HABP2: variants seen among roughly 807,000 people sequenced by gnomAD.
HABP2 encodes factor VII-activating protease.
Under a neutral mutation model 66.5 loss-of-function variants are expected in HABP2, and 65 were observed. That is an observed-to-expected ratio of 0.98 (90% CI 0.80 to 1.20). The LOEUF (loss-of-function observed/expected upper bound fraction) is 1.20, where lower values mean the gene tolerates loss of function less well. Ranked by LOEUF, HABP2 falls within the 50% of genes most tolerant of loss-of-function variation. HABP2 has a pLI of 0.00. For missense variants in HABP2, 786 were observed against 691.0 expected (o/e 1.14, Z -1.54); for synonymous variants, 263 against 253.9 (o/e 1.04, Z -0.34).
At chr10:113,584,341 G>C in intron 11 of HABP2, 59 bp downstream of exon 11, 1 of 1,484,672 alleles carries the variant, frequency 6.7e-7, no homozygotes, top group Non-Finnish European at 9.4e-7. Context: ...AGAGAAGAAA[G>C]GCCAAACTCA....
chr10:113,566,405 G>A (rs1400362692), intron 1 of HABP2, among the ~76,000 whole-genome samples: 3 of 152,374 alleles, frequency 2.0e-5, no homozygotes, highest in African/African-American at 4.8e-5. Context: ...GCATACTCCA[G>A]TTATTAAATG....
intron 1 of HABP2, among the ~76,000 whole-genome samples, chr10:113,559,703 A>C (rs1279012288): frequency 1.3e-5 from 2 of 152,230 alleles, no homozygotes; most frequent in African/African-American, 4.8e-5. Context: ...TTTAAGAACC[A>C]ATGTCTTTAA....
chr10:113,567,494 C>T lies in HABP2; in HGVS notation c.75C>T (p.Ser25=). Reference sequence around the variant, plus strand: ...TGTGTTGTTTTGTTTTTCAGTTCTCCCTGATGTCTTTATTGGAAAGCCTGG... The same window carrying T: ...TGTGTTGTTTTGTTTTTCAGTTCTCTCTGATGTCTTTATTGGAAAGCCTGG... ...ALVGKTACGF[S]LMSLLESLDP... is the part of the protein sequence containing the mutation. The change falls in exon 2 of 13, where the codon TCC becomes TCT. Residue 25 remains serine, a synonymous_variant. Transcript: ENST00000351270. 6.2e-7 allele frequency: 1 copy of T among 1,612,326 alleles called. No individual in the cohort carries two copies. The highest frequency in any genetic ancestry group is 1.7e-5 in the Admixed American group (1 of 60,012).
intron 2 of HABP2, among the ~76,000 whole-genome samples, chr10:113,569,019 A>G (rs1050035235): frequency 6.6e-6 from 1 of 152,188 alleles, no homozygotes; most frequent in Non-Finnish European, 1.5e-5. Flanking sequence ...CCATAGATTT[A>G]TAGCTTTAAT....
chr10:113,554,361 T>C (rs3781389), intron 1 of HABP2, among the ~76,000 whole-genome samples: 24,012 of 152,256 alleles, frequency 0.16, 2,749 homozygotes, highest in East Asian at 0.46. Flanking sequence ...CATAGAGCGT[T>C]TCCTGAATGA....
Position 113,588,996 on chromosome 10 carries a change from C to G in HABP2, c.*627C>G. 6.2e-7 allele frequency: 1 copy of G among 1,613,634 alleles called. No individual in the cohort carries two copies. Among genetic ancestry groups the G allele is most frequent in the Non-Finnish European group, 8.5e-7 (1 of 1,179,854 alleles). The stretch of plus-strand genomic sequence containing the variant: ...TGGCTCACAACAGCAGGGCCTTCTT[C>G]TTTTTGACGTGCAGAATCTCAGTGG... On this transcript the variant is annotated 3_prime_UTR_variant, in exon 13 of 13. Coordinates refer to ENST00000351270, the MANE Select transcript of HABP2 (RefSeq NM_004132.5).
In HABP2 at chr10:113,571,998, C is replaced by T. The variant is rs142039316; in HGVS notation, c.107-2291C>T. 3.0e-4 allele frequency among the ~76,000 whole-genome samples: 46 copies of T among 152,322 alleles called. No homozygotes were observed. The East Asian group carries it at 7.9e-3, about 26-fold the overall frequency. The stretch of plus-strand genomic sequence containing the variant: ...GGAGAAACCCTCCCAGATGATACTC[C>T]TGTAAAGCACCTTCAAATCACATGG... On this transcript the variant is annotated intron_variant, in intron 2 of 12. Transcript: ENST00000351270.
chr10:113,555,347 T>C (rs1305800498), intron 1 of HABP2, among the ~76,000 whole-genome samples: 2 of 152,050 alleles, frequency 1.3e-5, no homozygotes, highest in Non-Finnish European at 2.9e-5. Context: ...GGGCCCTGGG[T>C]GAGGATGAGA....
intron 1 of HABP2, among the ~76,000 whole-genome samples, chr10:113,557,963 G>A (rs1845029523): frequency 6.6e-6 from 1 of 152,210 alleles, no homozygotes; most frequent in African/African-American, 2.4e-5. Flanking sequence ...TTACAGCTCT[G>A]GGATTCAAGG....
upstream of HABP2, chr10:113,553,037 G>A: frequency 3.2e-6 from 3 of 926,318 alleles, no homozygotes; most frequent in South Asian, 4.0e-5. Flanking sequence ...CTGAATCCTT[G>A]GAGACTGACA....
At chr10:113,558,049 C>T (rs1228186591) in intron 1 of HABP2, among the ~76,000 whole-genome samples, 1 of 152,206 alleles carries the variant, frequency 6.6e-6, no homozygotes, top group Non-Finnish European at 1.5e-5. Context: ...CAAAGACAAA[C>T]AAGACCGTTT....
chr10:113,580,707 T>C lies in HABP2; in HGVS notation c.838+15T>C, dbSNP rs770264340. The C allele has an allele frequency of 7.4e-7, 1 of 1,345,374 alleles. No individual in the cohort carries two copies. The highest frequency in any genetic ancestry group is 1.2e-5 in the South Asian group (1 of 85,244). The allele number at this position is 1,345,374 out of a possible 1,614,324, so 83.3% of individuals were successfully genotyped here. The stretch of plus-strand genomic sequence containing the variant: ...CTCAGCCCAGGGTAAAGGCCATGGC[T>C]GTTCAGAAGCCCAGGGGGTGGGGGG... On this transcript the variant is annotated intron_variant, in intron 8 of 12. Transcript: ENST00000351270.
intron 1 of HABP2, among the ~76,000 whole-genome samples, chr10:113,562,659 G>C (rs1333714657): frequency 6.6e-6 from 1 of 152,150 alleles, no homozygotes; most frequent in African/African-American, 2.4e-5. Context: ...TGGCCAAGCT[G>C]GTCTCCAACT....
intron 3 of HABP2, 48 bp downstream of exon 3, chr10:113,574,453 C>G: frequency 2.1e-6 from 2 of 941,162 alleles, no homozygotes; most frequent in Non-Finnish European, 3.5e-6. Flanking sequence ...AAGGTCAGAG[C>G]GGAGTGTATG....
Position 113,589,225 on chromosome 10 carries a change from A to C in HABP2, c.*856A>C. On this transcript the variant is annotated 3_prime_UTR_variant, in exon 13 of 13. Transcript: ENST00000351270. The stretch of plus-strand genomic sequence containing the variant: ...CCTTTTCCCCTCTTCTACCCTCCCC[A>C]AGAAAAAGGGCCTTCAAGGCAGGAA... 1 of 629,778 alleles carries C rather than the reference A, an allele frequency of 1.6e-6. No homozygotes were observed. The highest frequency in any genetic ancestry group is 2.8e-5 in the East Asian group (1 of 36,008). The allele number at this position is 629,778 out of a possible 1,614,324, so 39.0% of individuals were successfully genotyped here.
intron 1 of HABP2, among the ~76,000 whole-genome samples, chr10:113,556,389 A>T (rs1298707389): frequency 6.6e-6 from 1 of 152,136 alleles, no homozygotes; most frequent in Non-Finnish European, 1.5e-5. Context: ...GGCTGGCACC[A>T]TGGAGAGGGG....
chr10:113,576,498 A>G (rs530413873), intron 4 of HABP2, among the ~76,000 whole-genome samples: 1 of 152,126 alleles, frequency 6.6e-6, no homozygotes, highest in Non-Finnish European at 1.5e-5. Context: ...ATTCTACCAT[A>G]CTCACTGTGT....
At position 113,583,300 on chromosome 10, in the gene HABP2, G is replaced by T; in HGVS notation, c.1179G>T (p.Glu393Asp). ...EEFHEQSFRV[E>D]KIFKYSHYNE... The stretch of plus-strand genomic sequence containing the variant: ...TTCATGAGCAGAGCTTTAGGGTGGA[G>T]AAGATATTCAAGTACAGCCACTACA... Residue 393 changes from glutamate (E) to aspartate (D), a missense_variant, in exon 10 of 13, where the codon GAG (glutamate) becomes GAT (aspartate). Physicochemically the swap from Glu to Asp is conservative, Grantham distance 45. Transcript: ENST00000351270. 6.2e-7 allele frequency: 1 copy of T among 1,611,678 alleles called. No individual in the cohort carries two copies. Among genetic ancestry groups the T allele is most frequent in the Non-Finnish European group, 8.5e-7 (1 of 1,177,728 alleles).
intron 3 of HABP2, among the ~76,000 whole-genome samples, chr10:113,575,316 A>G (rs1352332413): frequency 6.6e-6 from 1 of 152,194 alleles, no homozygotes; most frequent in African/African-American, 2.4e-5. Flanking sequence ...GGCACAGATG[A>G]AATATGACAA....
Sources: gnomAD v4.1 joint callset for allele counts (sites outside exome capture counted in the v4.1 genomes callset) on GRCh38, gnomAD v4.1.1 for gene constraint, MANE v1.5 for transcripts, NCBI Gene and HGNC (gene_info 2026-07-23, HGNC 2026-07-21) for gene names.